Variants in KCNJ15 observed in about 807,000 individuals in gnomAD.
The protein encoded by KCNJ15 is ATP-sensitive inward rectifier potassium channel 15.
Under a neutral mutation model 23.0 loss-of-function variants are expected in KCNJ15, and 14 were observed. The ratio of observed to expected loss-of-function variants is 0.61; its 90% CI spans 0.40 to 0.95. The LOEUF (loss-of-function observed/expected upper bound fraction) is 0.95. Among genes scored for constraint, KCNJ15 ranks in the 40% least tolerant of loss-of-function variants. The pLI is 0.00. For synonymous variants in KCNJ15, 185 were observed against 183.2 expected (o/e 1.01, Z -0.08); for missense variants, 388 against 461.8 (o/e 0.84, Z 1.46).
At chr21:38,267,703 A>G (rs1981607846) in intron 1 of KCNJ15, among the ~76,000 whole-genome samples, 1 of 152,212 alleles carries the variant, frequency 6.6e-6, no homozygotes, top group Non-Finnish European at 1.5e-5. Context: ...CTCAGTTCAG[A>G]TGAAAAGCCT....
chr21:38,245,882 C>T (rs1485248838), intron 1 of KCNJ15, among the ~76,000 whole-genome samples: 1 of 152,158 alleles, frequency 6.6e-6, no homozygotes, highest in Non-Finnish European at 1.5e-5. Context: ...CCCACAAAGA[C>T]TGAATTCAGA....
chr21:38,277,402 A>AG (rs1233798731), intron 1 of KCNJ15, among the ~76,000 whole-genome samples: 1 of 152,212 alleles, frequency 6.6e-6, no homozygotes, highest in Non-Finnish European at 1.5e-5. Context: ...ACGTGCGTTT[A>AG]GGGGCGAGTC....
At chr21:38,287,156 A>G (rs747616211) in intron 1 of KCNJ15, among the ~76,000 whole-genome samples, 1 of 152,252 alleles carries the variant, frequency 6.6e-6, no homozygotes, top group Non-Finnish European at 1.5e-5. Flanking sequence ...AAAAAAGACC[A>G]TAACATAAAA....
chr21:38,249,653 ATGTT>A, intron 1 of KCNJ15, among the ~76,000 whole-genome samples: 1 of 152,346 alleles, frequency 6.6e-6, no homozygotes, highest in Non-Finnish European at 1.5e-5. Context: ...TAAAGACTGT[ATGTT>A]TGACTTTAAT....
intron 1 of KCNJ15, among the ~76,000 whole-genome samples, chr21:38,264,886 T>C (rs560520035): frequency 1.3e-5 from 2 of 152,200 alleles, no homozygotes; most frequent in Admixed American, 1.3e-4. Context: ...TGCAGGTTAT[T>C]TTGGAAAGAA....
chr21:38,287,020 G>A (rs570803789), intron 1 of KCNJ15, among the ~76,000 whole-genome samples: 53 of 152,214 alleles, frequency 3.5e-4, no homozygotes, highest in African/African-American at 1.3e-3. Context: ...GTATAATTTT[G>A]TTTTTTCAGT....
chr21:38,299,797 A>C lies in KCNJ15; in HGVS notation c.536A>C (p.Lys179Thr), dbSNP rs766614253. 1.2e-6 allele frequency: 2 copies of C among 1,613,974 alleles called. No individual in the cohort carries two copies. The highest frequency in any genetic ancestry group is 1.3e-5 in the African/African-American group (1 of 74,918). The change falls in exon 3 of 3, where the codon AAG (lysine) becomes ACG (threonine). Residue 179 changes from lysine to threonine, a missense_variant. By Grantham distance (78) the Lys-to-Thr change is moderately conservative. Coordinates refer to ENST00000398938, the MANE Select transcript of KCNJ15 (RefSeq NM_170736.3). The surrounding 1 kb of genome is among the most constrained non-coding windows in gnomAD (Gnocchi z 4.5). ...ARPKKRAETI[K>T]FSHCAVITKQ... ...CCCAAAAAGCGGGCTGAGACCATCA[A>C]GTTCAGCCACTGTGCAGTCATCACC...
intron 1 of KCNJ15, among the ~76,000 whole-genome samples, chr21:38,259,010 TGTGTGTGTGTGTGCGCGTGTGTGTG>T (rs1980588826): frequency 6.6e-6 from 1 of 152,000 alleles, no homozygotes; most frequent in Non-Finnish European, 1.5e-5. Flanking sequence ...GGGGCGTGTG[TGTGTGTGTGTGTGCGCGTGTGTGTG>T]GTGTGTGCAA....
intron 1 of KCNJ15, among the ~76,000 whole-genome samples, chr21:38,284,917 A>G (rs532048738): frequency 6.6e-6 from 1 of 152,194 alleles, no homozygotes; most frequent in African/African-American, 2.4e-5. Flanking sequence ...TCTTTAAATC[A>G]CTCATCTAAT....
intron 1 of KCNJ15, among the ~76,000 whole-genome samples, chr21:38,247,387 T>C (rs999883824): frequency 2.0e-5 from 3 of 152,110 alleles, no homozygotes; most frequent in Non-Finnish European, 4.4e-5. Flanking sequence ...GATGAATGGA[T>C]GTATGGATAA....
chr21:38,231,260 C>G (rs4817928), intron 1 of KCNJ15, among the ~76,000 whole-genome samples: 45 of 151,642 alleles, frequency 3.0e-4, no homozygotes, highest in Non-Finnish European at 5.3e-4. Flanking sequence ...CATTGCTAGC[C>G]TATAACAATG....
At chr21:38,277,603 T>C (rs1982857049) in intron 1 of KCNJ15, among the ~76,000 whole-genome samples, 1 of 152,166 alleles carries the variant, frequency 6.6e-6, no homozygotes, top group African/African-American at 2.4e-5. Flanking sequence ...ATAAGAGTCA[T>C]CTACCAAGTC....
intron 1 of KCNJ15, among the ~76,000 whole-genome samples, chr21:38,275,849 A>G (rs999528713): frequency 6.6e-6 from 1 of 151,044 alleles, no homozygotes; most frequent in African/African-American, 2.4e-5. Flanking sequence ...TCTTTCTCCT[A>G]TTTTTTTTTC....
intron 1 of KCNJ15, among the ~76,000 whole-genome samples, chr21:38,232,885 A>G (rs1378274338): frequency 6.6e-6 from 1 of 152,022 alleles, no homozygotes; most frequent in Admixed American, 6.5e-5. Flanking sequence ...CTGTCCTGAA[A>G]AAAGCTCCAT....
At chr21:38,237,284 A>T (rs995207239) in intron 1 of KCNJ15, 1 of 152,284 alleles carries the variant, frequency 6.6e-6, no homozygotes, top group African/African-American at 2.4e-5. Context: ...GAGAAGAGAG[A>T]CTGGCTTGGC....
chr21:38,282,271 A>G (rs1983431794), intron 1 of KCNJ15, among the ~76,000 whole-genome samples: 1 of 152,140 alleles, frequency 6.6e-6, no homozygotes, highest in Non-Finnish European at 1.5e-5. Context: ...TGTACCCCAC[A>G]TTGGAGACAT....
intron 1 of KCNJ15, among the ~76,000 whole-genome samples, chr21:38,248,755 G>A (rs564306681): frequency 6.6e-6 from 1 of 152,060 alleles, no homozygotes; most frequent in South Asian, 2.1e-4. Flanking sequence ...GAGTTTTCAG[G>A]CAAAACAGAG....
intron 1 of KCNJ15, among the ~76,000 whole-genome samples, chr21:38,288,296 G>A (rs919599508): frequency 2.6e-5 from 4 of 151,714 alleles, no homozygotes; most frequent in African/African-American, 4.8e-5. Context: ...CTGCCTCGGC[G>A]TCCCAAAGTG....
At chr21:38,281,029 C>T (rs964189053) in intron 1 of KCNJ15, among the ~76,000 whole-genome samples, 4 of 152,138 alleles carry the variant, frequency 2.6e-5, no homozygotes, top group Non-Finnish European at 5.9e-5. Context: ...TGAGCTTTCA[C>T]CTCCAGCCTC....
Sources: allele counts gnomAD v4.1 joint callset (sites outside exome capture counted in the v4.1 genomes callset), GRCh38; gene constraint gnomAD v4.1.1; non-coding constraint Gnocchi (gnomAD v3.1); transcripts MANE v1.5; gene names NCBI Gene and HGNC (gene_info 2026-07-23, HGNC 2026-07-21).